SAE1: variants seen among roughly 807,000 people sequenced by gnomAD.
SAE1 encodes SUMO1 activating enzyme subunit 1, also known as SUMO-activating enzyme subunit 1.
Under a neutral mutation model 40.6 loss-of-function variants are expected in SAE1, and 11 were observed. The ratio of observed to expected loss-of-function variants is 0.27; its 90% CI spans 0.17 to 0.45. The LOEUF (loss-of-function observed/expected upper bound fraction) is 0.45. Ranked by LOEUF, SAE1 falls within the 20% of genes least tolerant of loss-of-function variation. The pLI, the probability that SAE1 is intolerant of heterozygous loss-of-function variation, is 1.00. For synonymous variants in SAE1, 155 were observed against 154.3 expected (o/e 1.00, Z -0.03); for missense variants, 373 against 427.3 (o/e 0.87, Z 1.12).
chr19:47,143,342 T>C, intron 1 of SAE1, 152 bp from the exon 2 acceptor site: 1 of 588,260 alleles, frequency 1.7e-6, no homozygotes, highest in East Asian at 3.1e-5. Flanking sequence ...TGACCTCAAG[T>C]GATCCGCCTA....
chr19:47,197,309 C>T lies in SAE1; in HGVS notation c.810C>T (p.Leu270=). 1.2e-6 allele frequency: 2 copies of T among 1,614,018 alleles called. No individual in the cohort carries two copies. Among genetic ancestry groups the T allele is most frequent in the East Asian group, 4.5e-5 (2 of 44,890 alleles). Residue 270 remains leucine, a synonymous_variant, in exon 7 of 9, where the codon CTC becomes CTT. Coordinates refer to ENST00000270225, the MANE Select transcript of SAE1 (RefSeq NM_005500.3). ...DTYEEDSELL[L]QIRNDVLDSL... ...ATGAGGAAGATTCTGAGTTGTTGCTCCAGATACGAAATGATGTGCTTGACT... is the reference window on the plus strand; with the variant it reads ...ATGAGGAAGATTCTGAGTTGTTGCTTCAGATACGAAATGATGTGCTTGACT...
chr19:47,161,181 G>GT (rs1459244289), intron 5 of SAE1, among the ~76,000 whole-genome samples: 3 of 74,172 alleles, frequency 4.0e-5, no homozygotes, highest in Non-Finnish European at 8.3e-5. Flanking sequence ...AATTTTTTCG[G>GT]GTTTTTTTTT....
intron 6 of SAE1, among the ~76,000 whole-genome samples, chr19:47,182,464 AGTGTGTGTGT>A (rs113149127): frequency 2.4e-4 from 35 of 144,450 alleles, no homozygotes; most frequent in South Asian, 1.4e-3. Flanking sequence ...AAAAAAGCGT[AGTGTGTGTGT>A]GTGTGTGTGT....
chr19:47,197,446 T>A (rs2058623602), intron 7 of SAE1, 69 bp downstream of exon 7: 3 of 1,416,916 alleles, frequency 2.1e-6, no homozygotes, highest in South Asian at 2.7e-5. Flanking sequence ...TGCCTTAATT[T>A]GACAAGCTCT....
intron 6 of SAE1, among the ~76,000 whole-genome samples, chr19:47,179,142 A>G (rs1230156964): frequency 6.8e-6 from 1 of 148,080 alleles, no homozygotes; most frequent in Non-Finnish European, 1.5e-5. Context: ...CAGTGAGCCG[A>G]GATCTCACCA....
At position 47,197,284 on chromosome 19, in the gene SAE1, A is replaced by G. The variant is rs749867613; in HGVS notation, c.785A>G (p.Tyr262Cys). Residue 262 changes from tyrosine (Y) to cysteine (C), a missense_variant, in exon 7 of 9, where the codon TAT (tyrosine) becomes TGT (cysteine). Physicochemically the swap from Tyr to Cys is radical, Grantham distance 194. This residue lies in a region of SAE1 where 351 missense variants were observed against 390.6 expected (regional missense o/e 0.90). Coordinates refer to ENST00000270225, the MANE Select transcript of SAE1 (RefSeq NM_005500.3). ...DKGRDPSSDT[Y>C]EEDSELLLQI... ...GGAAGAGATCCCAGTTCTGATACAT[A>G]TGAGGAAGATTCTGAGTTGTTGCTC... 8.1e-6 allele frequency: 13 copies of G among 1,613,868 alleles called. No individual in the cohort carries two copies. The East Asian group carries it at 2.4e-4, about 30-fold the overall frequency.
intron 6 of SAE1, among the ~76,000 whole-genome samples, chr19:47,194,317 G>T (rs2058599520): frequency 6.6e-6 from 1 of 152,188 alleles, no homozygotes. Context: ...TGACTCTGAT[G>T]CTTCAGTCTG....
chr19:47,134,983 T>A (rs2058169358), intron 1 of SAE1, among the ~76,000 whole-genome samples: 1 of 151,992 alleles, frequency 6.6e-6, no homozygotes. Context: ...TCTTAGAGAG[T>A]TTATTAAAGT....
rs182509059 is a variant in SAE1 at position 47,130,901 on chromosome 19, A to G, written c.-30A>G. On this transcript the variant is annotated 5_prime_UTR_variant, in exon 1 of 9. Coordinates refer to ENST00000270225, the MANE Select transcript of SAE1 (RefSeq NM_005500.3). ...CCGGCGGGCGGTTGGCTTGAGCGGG[A>G]CCGGAGCTGAGGCAGGAAGAGCCGG... The G allele has an allele frequency of 9.0e-6, 14 of 1,548,156 alleles. No homozygotes were observed. The Admixed American group carries it at 1.2e-4, about 13-fold the overall frequency.
intron 1 of SAE1, among the ~76,000 whole-genome samples, chr19:47,134,740 C>T (rs2058168143): frequency 6.6e-6 from 1 of 152,000 alleles, no homozygotes; most frequent in East Asian, 1.9e-4. Flanking sequence ...AGGGAACTTT[C>T]AGAGGGATGG....
intron 4 of SAE1, among the ~76,000 whole-genome samples, chr19:47,153,941 G>A (rs949980506): frequency 1.3e-5 from 2 of 151,856 alleles, no homozygotes; most frequent in African/African-American, 2.4e-5. Flanking sequence ...ACAGGCATGC[G>A]TCACCATGCC....
rs532687658 is a variant in SAE1 at position 47,206,401 on chromosome 19, C to T, written c.948+2661C>T. On this transcript the variant is annotated intron_variant, in intron 8 of 8. Transcript: ENST00000270225. The stretch of plus-strand genomic sequence containing the variant: ...AAGGGCCTCAGACTCACCTTTCTCT[C>T]CTGAGGCACTGTCTGAGCGCCTATG... Among the ~76,000 whole-genome samples, 33 of 152,350 alleles carry T rather than the reference C, an allele frequency of 2.2e-4. 1 individual carries two copies. The South Asian group carries it at 6.0e-3, about 28-fold the overall frequency.
intron 6 of SAE1, among the ~76,000 whole-genome samples, chr19:47,174,493 T>A (rs1347810929): frequency 1.3e-5 from 2 of 151,704 alleles, no homozygotes; most frequent in Admixed American, 6.6e-5. Context: ...ACCTCCCAGG[T>A]TTAAGCAATT....
chr19:47,142,766 C>T (rs2058229833), intron 1 of SAE1, among the ~76,000 whole-genome samples: 1 of 152,078 alleles, frequency 6.6e-6, no homozygotes, highest in African/African-American at 2.4e-5. Context: ...GTGTGTTTGT[C>T]CTTTATTTCA....
intron 6 of SAE1, among the ~76,000 whole-genome samples, chr19:47,178,576 C>T (rs1301825133): frequency 6.6e-6 from 1 of 152,192 alleles, no homozygotes; most frequent in African/African-American, 2.4e-5. Context: ...TGGATTCGTG[C>T]AATTCTCCTG....
intron 6 of SAE1, among the ~76,000 whole-genome samples, chr19:47,178,638 A>C (rs1486435485): frequency 6.6e-6 from 1 of 152,044 alleles, no homozygotes; most frequent in African/African-American, 2.4e-5. Context: ...ATGCCTGGCT[A>C]ATTTTTGTAT....
intron 5 of SAE1, among the ~76,000 whole-genome samples, chr19:47,158,801 G>A (rs2058339657): frequency 6.6e-6 from 1 of 152,186 alleles, no homozygotes; most frequent in Non-Finnish European, 1.5e-5. Flanking sequence ...CCTGACCAAG[G>A]CCACACAGCT....
chr19:47,178,011 G>A (rs2058481458), intron 6 of SAE1, among the ~76,000 whole-genome samples: 1 of 152,128 alleles, frequency 6.6e-6, no homozygotes, highest in Admixed American at 6.6e-5. Context: ...GAGAGACTGA[G>A]GTGGGCAGAT....
chr19:47,170,002 G>GT, intron 6 of SAE1, 79 bp downstream of exon 6: 1 of 1,018,714 alleles, frequency 9.8e-7, no homozygotes, highest in African/African-American at 1.6e-5. Flanking sequence ...GGTCCAGATG[G>GT]TTTTGTGATG....
Sources: allele counts gnomAD v4.1 joint callset (sites outside exome capture counted in the v4.1 genomes callset), GRCh38; gene constraint gnomAD v4.1.1; regional missense constraint gnomAD v4.1.1; transcripts MANE v1.5; gene names NCBI Gene and HGNC (gene_info 2026-07-23, HGNC 2026-07-21).